GGT1: variants seen among roughly 807,000 people sequenced by gnomAD.
The protein encoded by GGT1 is glutathione hydrolase 1 proenzyme.
Under a neutral mutation model 56.0 loss-of-function variants are expected in GGT1, and 21 were observed. The observed-to-expected ratio is 0.38, with a 90% CI of 0.27 to 0.54. The LOEUF (loss-of-function observed/expected upper bound fraction) is 0.54, where lower values mean the gene tolerates loss of function less well. Ranked by LOEUF, GGT1 falls within the 20% of genes least tolerant of loss-of-function variation. The pLI, the probability that GGT1 is intolerant of heterozygous loss-of-function variation, is 0.82. For missense variants in GGT1, 466 were observed against 787.0 expected (o/e 0.59, Z 4.88); for synonymous variants, 238 against 342.6 (o/e 0.69, Z 3.37).
At chr22:24,613,022 C>T (rs1204503027) in intron 5 of GGT1, among the ~76,000 whole-genome samples, 1 of 152,108 alleles carries the variant, frequency 6.6e-6, no homozygotes, top group African/African-American at 2.4e-5. Context: ...AGACTCTTAT[C>T]TCATGTTATA....
At chr22:24,605,501 A>T (rs2046127377) in intron 1 of GGT1, among the ~76,000 whole-genome samples, 1 of 36,652 alleles carries the variant, frequency 2.7e-5, no homozygotes, top group South Asian at 5.8e-4. Flanking sequence ...ATTATATAAT[A>T]TTATATAATG....
chr22:24,612,231 C>T (rs184896242), intron 5 of GGT1, among the ~76,000 whole-genome samples: 3 of 148,974 alleles, frequency 2.0e-5, no homozygotes, highest in South Asian at 2.1e-4. Flanking sequence ...TGAGCCACCA[C>T]GCCCGGCTTA....
upstream of GGT1, chr22:24,593,166 C>T: frequency 2.1e-6 from 2 of 939,056 alleles, no homozygotes; most frequent in Non-Finnish European, 2.6e-6. Context: ...GAAGGCTGAG[C>T]GCCCGCCCCA....
intron 5 of GGT1, among the ~76,000 whole-genome samples, chr22:24,611,914 C>T (rs1339788181): frequency 6.6e-6 from 1 of 152,128 alleles, no homozygotes; most frequent in Non-Finnish European, 1.5e-5. Context: ...TCAAGTGATT[C>T]TCCTGCCTCA....
At chr22:24,617,522 C>T (rs2047148795) in intron 7 of GGT1, among the ~76,000 whole-genome samples, 1 of 152,032 alleles carries the variant, frequency 6.6e-6, no homozygotes, top group Non-Finnish European at 1.5e-5. Flanking sequence ...TGACGCTGGA[C>T]AGACACACTT....
chr22:24,606,149 A>T (rs1031968834), intron 1 of GGT1, among the ~76,000 whole-genome samples: 8 of 136,552 alleles, frequency 5.9e-5, no homozygotes, highest in African/African-American at 1.7e-4. Flanking sequence ...TATATATATA[A>T]AATTATACTT....
intron 11 of GGT1, among the ~76,000 whole-genome samples, chr22:24,626,546 A>G (rs950662430): frequency 1.3e-5 from 2 of 151,648 alleles, no homozygotes; most frequent in African/African-American, 2.4e-5. Flanking sequence ...GGTCTGATGA[A>G]GTATCCAAAA....
intron 11 of GGT1, among the ~76,000 whole-genome samples, chr22:24,626,181 A>T: frequency 6.7e-6 from 1 of 148,238 alleles, no homozygotes; most frequent in Non-Finnish European, 1.5e-5. Context: ...TTTAGTAGAG[A>T]CGGGGTTTCA....
chr22:24,592,102 G>T (rs2045585678), upstream of GGT1: 3 of 357,616 alleles, frequency 8.4e-6, no homozygotes, highest in South Asian at 6.0e-5. Context: ...GCAGGTAGTG[G>T]TGGTAGCTGC....
the GGT1 span, chr22:24,586,348 C>T: frequency 8.2e-5 from 133 of 1,613,910 alleles, no homozygotes; most frequent in East Asian, 3.8e-4. Context: ...GTGTCGACAG[C>T]GGGATGCCTG....
At chr22:24,625,161 G>A (rs200258200) in intron 11 of GGT1, among the ~76,000 whole-genome samples, 21 of 152,226 alleles carry the variant, frequency 1.4e-4, no homozygotes, top group Non-Finnish European at 2.2e-4. Flanking sequence ...TACTGATGTC[G>A]CACCTCAGGG....
At chr22:24,590,012 C>A, upstream of GGT1, 2 of 1,478,612 alleles carry the variant, frequency 1.4e-6, no homozygotes, top group Non-Finnish European at 1.8e-6. Flanking sequence ...GGCACCACCC[C>A]AGCCAGCCAG....
chr22:24,595,242 T>C (rs762686794), intron 1 of GGT1, among the ~76,000 whole-genome samples: 38 of 152,158 alleles, frequency 2.5e-4, no homozygotes, highest in Non-Finnish European at 5.1e-4. Flanking sequence ...TGGGCCTAGA[T>C]CCTTGGATGG....
chr22:24,590,855 C>G (rs1051602054), upstream of GGT1, among the ~76,000 whole-genome samples: 1 of 152,124 alleles, frequency 6.6e-6, no homozygotes, highest in African/African-American at 2.4e-5. Flanking sequence ...GCCAGAAGCT[C>G]TGGAACCCCC....
rs796441216 is a variant in GGT1 at position 24,605,275 on chromosome 22, T to C, written c.-429+1748T>C. Reference sequence around the variant, plus strand: ...AATATGTATTATATATTATATAATATGTATTATATATTATATAATATGTAT... The same window carrying C: ...AATATGTATTATATATTATATAATACGTATTATATATTATATAATATGTAT... On this transcript the variant is annotated intron_variant, in intron 1 of 15. Transcript: ENST00000400382. 5.2e-3 allele frequency among the ~76,000 whole-genome samples: 170 copies of C among 32,692 alleles called. 24 individuals are homozygous for C. Among genetic ancestry groups the C allele is most frequent in the East Asian group, 0.012 (10 of 824 alleles). 21.4% of individuals were successfully genotyped at this position (32,692 alleles called of 152,430 possible).
rs1285369584 is a variant in GGT1, at chr22:24,628,090, C to T, written c.1346C>T (p.Pro449Leu). ...PANFIQPGKQ[P>L]LSSMCPTIMV... ...CTCCCATCGGCCGCAGGGAAGCAGCCGCTCTCGTCCATGTGCCCGACGATC... is the reference window on the plus strand; with the variant it reads ...CTCCCATCGGCCGCAGGGAAGCAGCTGCTCTCGTCCATGTGCCCGACGATC... The change falls in exon 14 of 16, where the codon CCG becomes CTG. Residue 449 changes from proline to leucine, a missense_variant. This residue lies in a region of GGT1 where 456 missense variants were observed against 716.7 expected (regional missense o/e 0.64). Coordinates refer to ENST00000400382, the MANE Select transcript of GGT1 (RefSeq NM_001288833.2). This position sits in a 1 kb window ranked among gnomAD's most constrained non-coding sequence, Gnocchi z 5.7. The T allele has an allele frequency of 5.0e-6, 8 of 1,611,918 alleles. No homozygotes were observed. Among genetic ancestry groups the T allele is most frequent in the African/African-American group, 1.3e-5 (1 of 74,960 alleles).
chr22:24,599,406 G>T (rs1397763956), upstream of GGT1: 2 of 152,184 alleles, frequency 1.3e-5, no homozygotes, highest in Non-Finnish European at 2.9e-5. Flanking sequence ...CACCAGCAAG[G>T]TAGGACAAGG....
chr22:24,611,489 T>C (rs2046652319), intron 5 of GGT1, among the ~76,000 whole-genome samples: 1 of 152,126 alleles, frequency 6.6e-6, no homozygotes, highest in Non-Finnish European at 1.5e-5. Flanking sequence ...TTTTGTTGTT[T>C]GGTTGTTATT....
At chr22:24,589,758 G>A in the GGT1 span, 2 of 1,503,182 alleles carry the variant, frequency 1.3e-6, no homozygotes, top group Non-Finnish European at 1.8e-6. Context: ...CCCAGCCCTG[G>A]GCTCTGTTGG....
Sources: gnomAD v4.1 joint callset for allele counts (sites outside exome capture counted in the v4.1 genomes callset) on GRCh38, gnomAD v4.1.1 for gene constraint, gnomAD v4.1.1 regional missense constraint, Gnocchi (gnomAD v3.1) non-coding constraint, MANE v1.5 for transcripts, NCBI Gene and HGNC (gene_info 2026-07-23, HGNC 2026-07-21) for gene names.